CLDN16: variants seen among roughly 807,000 people sequenced by gnomAD.
CLDN16 encodes claudin 16.
In CLDN16, 13 loss-of-function variants were observed where a neutral mutation model predicts 24.6. The ratio of observed to expected loss-of-function variants is 0.53; its 90% confidence interval spans 0.34 to 0.84. CLDN16 has a LOEUF of 0.84. CLDN16 is among the 40% of genes least tolerant of loss of function. CLDN16 has a pLI of 0.01. For missense variants in CLDN16, 298 were observed against 292.7 expected, an observed-to-expected ratio of 1.02 and a Z score of -0.13; for synonymous variants, 116 against 106.7, an observed-to-expected ratio of 1.09 and a Z score of -0.54.
chr3:190,404,727 T>G (rs763151269), intron 2 of CLDN16, 35 bp from the exon 3 acceptor site: 2 of 1,610,948 alleles, frequency 1.2e-6, no homozygotes, highest in East Asian at 4.5e-5. Context: ...TTCCTTCTTC[T>G]GACTCTGCTT....
At chr3:190,334,436 T>C (rs981840475) in intron 1 of CLDN16, among the ~76,000 whole-genome samples, 18 of 152,238 alleles carry the variant, frequency 1.2e-4, no homozygotes, top group Non-Finnish European at 2.1e-4. Flanking sequence ...GACTTTGAGC[T>C]TCATCTCTTA....
At chr3:190,388,490 T>G in intron 1 of CLDN16, 47 bp downstream of exon 1, 1 of 1,553,898 alleles carries the variant, frequency 6.4e-7, no homozygotes, top group Non-Finnish European at 8.9e-7. Flanking sequence ...AGCCCAAATT[T>G]TCGCTAAGTC....
At chr3:190,353,539 A>C (rs551345721) in intron 1 of CLDN16, among the ~76,000 whole-genome samples, 1 of 152,186 alleles carries the variant, frequency 6.6e-6, no homozygotes, top group African/African-American at 2.4e-5. Context: ...ATCTTAAATG[A>C]AGTTGTGATC....
intron 1 of CLDN16, among the ~76,000 whole-genome samples, chr3:190,345,484 T>G (rs1717531711): frequency 1.3e-5 from 2 of 152,214 alleles, no homozygotes; most frequent in Middle Eastern, 3.2e-3. Flanking sequence ...ATCTCATCAC[T>G]ATTATTTTTC....
chr3:190,376,894 TG>T (rs1046646196), intron 3 of CLDN16, among the ~76,000 whole-genome samples: 1 of 152,010 alleles, frequency 6.6e-6, no homozygotes, highest in Non-Finnish European at 1.5e-5. Flanking sequence ...ACTATTTATC[TG>T]GGCATCTGAT....
intron 3 of CLDN16, among the ~76,000 whole-genome samples, chr3:190,380,265 C>CCTTCCTTCCTTT (rs1560091568): frequency 4.0e-5 from 5 of 125,104 alleles, no homozygotes; most frequent in South Asian, 2.7e-4. Context: ...TTTCTTCCTT[C>CCTTCCTTCCTTT]CTTCCTTCTG....
upstream of CLDN16, among the ~76,000 whole-genome samples, chr3:190,383,280 A>T (rs150061411): frequency 6.6e-6 from 1 of 152,238 alleles, no homozygotes; most frequent in East Asian, 1.9e-4. Context: ...GTCACCACGG[A>T]GGGGGCAGAC....
At chr3:190,346,643 G>A (rs930314757) in intron 1 of CLDN16, among the ~76,000 whole-genome samples, 1 of 152,090 alleles carries the variant, frequency 6.6e-6, no homozygotes, top group African/African-American at 2.4e-5. Context: ...TTTTTCTGGA[G>A]CCCAGACGTC....
intron 2 of CLDN16, among the ~76,000 whole-genome samples, chr3:190,374,280 T>TGC (rs1491062578): frequency 3.1e-5 from 3 of 97,550 alleles, no homozygotes; most frequent in African/African-American, 1.3e-4. Context: ...TGTGTGTGTG[T>TGC]GTGTGTGTGT....
chr3:190,361,996 C>T (rs1214124613), intron 1 of CLDN16, among the ~76,000 whole-genome samples: 2 of 139,142 alleles, frequency 1.4e-5, no homozygotes, highest in African/African-American at 5.8e-5. Flanking sequence ...ACAAATGGCA[C>T]ACCTGGTCTA....
upstream of CLDN16, among the ~76,000 whole-genome samples, chr3:190,383,863 A>G (rs1438781995): frequency 6.6e-6 from 1 of 152,232 alleles, no homozygotes; most frequent in African/African-American, 2.4e-5. Context: ...ATAAAACAGC[A>G]AACTTATAAA....
At chr3:190,402,884 A>AAG (rs923755984) in intron 2 of CLDN16, among the ~76,000 whole-genome samples, 1 of 152,188 alleles carries the variant, frequency 6.6e-6, no homozygotes, top group African/African-American at 2.4e-5. Context: ...TTAGCTAAGA[A>AAG]AGAGAGAGTG....
chr3:190,356,821 TCATAA>T (rs1279991250), intron 1 of CLDN16, among the ~76,000 whole-genome samples: 4 of 151,922 alleles, frequency 2.6e-5, no homozygotes, highest in African/African-American at 9.7e-5. Context: ...ATTGCAGATA[TCATAA>T]TATTTAGGTT....
the CLDN16 span, among the ~76,000 whole-genome samples, chr3:190,291,805 G>T: frequency 6.6e-6 from 1 of 152,086 alleles, no homozygotes; most frequent in African/African-American, 2.4e-5. Flanking sequence ...GGAAGAAATT[G>T]GCCAAAACAA....
chr3:190,345,830 TC>T (rs1487340549), intron 1 of CLDN16, among the ~76,000 whole-genome samples: 3 of 152,186 alleles, frequency 2.0e-5, no homozygotes, highest in African/African-American at 7.2e-5. Flanking sequence ...TATCCATCTG[TC>T]CCCTCCTTTA....
chr3:190,405,429 A>G (rs1446688006), intron 3 of CLDN16, among the ~76,000 whole-genome samples: 3 of 48,710 alleles, frequency 6.2e-5, no homozygotes, highest in East Asian at 1.1e-3. Flanking sequence ...CGTCTCACGG[A>G]AAAAAAAAAA....
chr3:190,378,211 G>C (rs571282142), intron 3 of CLDN16, among the ~76,000 whole-genome samples: 1 of 151,874 alleles, frequency 6.6e-6, no homozygotes, highest in African/African-American at 2.4e-5. Flanking sequence ...AAAAGGTCAC[G>C]TATGAATGAG....
chr3:190,386,478 G>A (rs577229458), upstream of CLDN16, among the ~76,000 whole-genome samples: 33 of 152,084 alleles, frequency 2.2e-4, no homozygotes, highest in Non-Finnish European at 3.7e-4. Flanking sequence ...TCAGATCACC[G>A]AGGCAGCTAT....
intron 1 of CLDN16, among the ~76,000 whole-genome samples, chr3:190,360,978 C>A (rs182726886): frequency 7.5e-4 from 114 of 152,026 alleles, no homozygotes; most frequent in African/African-American, 2.6e-3. Flanking sequence ...ATTGTACTTG[C>A]TTTAAACCAT....
Sources: allele counts gnomAD v4.1 joint callset (sites outside exome capture counted in the v4.1 genomes callset), GRCh38; gene constraint gnomAD v4.1.1; transcripts MANE v1.5; gene names NCBI Gene and HGNC (gene_info 2026-07-23, HGNC 2026-07-21).